PPP2R3B: variants seen among roughly 807,000 people sequenced by gnomAD.
PPP2R3B encodes the protein serine/threonine-protein phosphatase 2A regulatory subunit B'' subunit beta.
PPP2R3B carries 68 observed loss-of-function variants against 72.9 expected under a neutral mutation model. That is an observed-to-expected ratio of 0.93 (90% CI 0.77 to 1.14). PPP2R3B has a LOEUF of 1.14. Among genes scored for constraint, PPP2R3B ranks in the 50% most tolerant of loss-of-function variants. PPP2R3B has a pLI of 0.00. For synonymous variants in PPP2R3B, 466 were observed against 375.8 expected, an observed-to-expected ratio of 1.24 and a Z score of -2.78; for missense variants, 1,018 against 842.0, an observed-to-expected ratio of 1.21 and a Z score of -2.59.
chrX:371,199 T>C (rs935088625), intron 1 of PPP2R3B, among the ~76,000 whole-genome samples: 1 of 151,898 alleles, frequency 6.6e-6, no homozygotes, highest in African/African-American at 2.4e-5. Flanking sequence ...ACGGCCCCAC[T>C]CCAGGTACAT....
chrX:356,390 AT>A (rs1213050400), intron 2 of PPP2R3B, among the ~76,000 whole-genome samples: 3 of 151,888 alleles, frequency 2.0e-5, no homozygotes, highest in African/African-American at 7.3e-5. Context: ...TAATTTTTGT[AT>A]TTTTAGTAGA....
intron 1 of PPP2R3B, among the ~76,000 whole-genome samples, chrX:363,335 C>T (rs1217547026): frequency 2.6e-4 from 19 of 74,074 alleles, no homozygotes; most frequent in African/African-American, 5.9e-4. Flanking sequence ...TGCATCTCCC[C>T]GAGCCCACCA....
chrX:342,046 G>GGC, intron 7 of PPP2R3B, 115 bp from the exon 8 acceptor site: 1 of 1,357,296 alleles, frequency 7.4e-7, no homozygotes, highest in Non-Finnish European at 1.1e-6. Context: ...GGACGCCTGG[G>GGC]TCTGGGAGAG....
intron 3 of PPP2R3B, 46 bp downstream of exon 3, chrX:347,544 C>A (rs373435030): frequency 1.3e-6 from 2 of 1,523,072 alleles, no homozygotes; most frequent in South Asian, 1.2e-5. Context: ...GACCCGGGGA[C>A]GCCTCCGCCC....
chrX:338,489 G>C (rs2070950905), intron 12 of PPP2R3B, 115 bp downstream of exon 12: 1 of 1,081,930 alleles, frequency 9.2e-7, no homozygotes, highest in South Asian at 1.4e-5. Flanking sequence ...CACCCCACCT[G>C]ACTGACCCCG....
Position 379,348 on chromosome X carries a change from CTGTGTGTATGCACCTA to C in PPP2R3B, c.324+7004_324+7019del, listed in dbSNP as rs1345724779. Among the ~76,000 whole-genome samples, 12 of 143,794 alleles carry C rather than the reference CTGTGTGTATGCACCTA, an allele frequency of 8.3e-5. No homozygotes were observed. In the South Asian group the frequency reaches 2.6e-3, roughly 31 times the overall value. The allele number at this position is 143,794 out of a possible 152,430, so 94.3% of individuals were successfully genotyped here. ...GCGTGTGTATGCACCTGTTATGCAC[CTGTGTGTATGCACCTA>C]TGTGTGTATGTACCTGTGTATGCAC... On this transcript the variant is annotated intron_variant, in intron 1 of 12. Transcript: ENST00000390665.
intron 7 of PPP2R3B, among the ~76,000 whole-genome samples, chrX:344,261 A>G (rs374460740): frequency 0.021 from 501 of 23,942 alleles, 53 homozygotes; most frequent in South Asian, 0.052. Flanking sequence ...CTCACCAAGG[A>G]GAGGCGGGAG....
rs1323012218 is a variant in PPP2R3B, at chrX:384,282, C to CTCTCTCTA, written c.324+2085_324+2086insTAGAGAGA. On this transcript the variant is annotated intron_variant, in intron 1 of 12. Transcript: ENST00000390665. ...GAAGACTCTCTCTCTCTCTCTCTCT[C>CTCTCTCTA]TATATATATATATATACTTTTTTTT... is the stretch of plus-strand genomic sequence containing the variant. Among the ~76,000 whole-genome samples, 145 of 140,088 alleles carry CTCTCTCTA rather than the reference C, an allele frequency of 1.0e-3. 1 individual carries two copies. Among genetic ancestry groups the CTCTCTCTA allele is most frequent in the Middle Eastern group, 3.7e-3 (1 of 272 alleles). 91.9% of individuals were successfully genotyped at this position (140,088 alleles called of 152,430 possible).
At chrX:382,828 C>T (rs1478177056) in intron 1 of PPP2R3B, among the ~76,000 whole-genome samples, 2 of 152,150 alleles carry the variant, frequency 1.3e-5, no homozygotes, top group Non-Finnish European at 2.9e-5. Flanking sequence ...CAAGCATTTA[C>T]CTTAGCGTCT....
rs200091933 is a variant in PPP2R3B, at chrX:338,666, G to A, written c.1515C>T (p.Tyr505=). The A allele has an allele frequency of 4.2e-5, 67 of 1,611,474 alleles. No individual in the cohort carries two copies. The East Asian group carries it at 8.7e-4, about 21-fold the overall frequency. Residue 505 remains tyrosine (Y), a synonymous_variant, in exon 12 of 13, where the codon TAC becomes TAT. Transcript: ENST00000390665. ...CCAGGATGTCGTACTCCTCGGCCGC[G>A]TACTTCTCCCAGTCCGAGAGCTCGG... ...GGPELSDWEK[Y]AAEEYDILVA...
intron 1 of PPP2R3B, among the ~76,000 whole-genome samples, chrX:363,730 C>T (rs1448532792): frequency 8.6e-5 from 9 of 104,724 alleles, no homozygotes; most frequent in East Asian, 5.6e-4. Context: ...AACGCATTCC[C>T]GCAGCGGCGC....
intron 1 of PPP2R3B, among the ~76,000 whole-genome samples, chrX:364,257 GCCTTCA>G (rs1436414703): frequency 3.3e-5 from 5 of 152,198 alleles, no homozygotes; most frequent in Non-Finnish European, 5.9e-5. Context: ...GAAAGTAGCA[GCCTTCA>G]CCTGGAGCTG....
intron 1 of PPP2R3B, 35 bp downstream of exon 1, chrX:386,333 C>G: frequency 7.7e-7 from 1 of 1,301,496 alleles, no homozygotes; most frequent in Non-Finnish European, 9.8e-7. Flanking sequence ...CCAGAGCCAC[C>G]TGCGCAGTTG....
intron 1 of PPP2R3B, among the ~76,000 whole-genome samples, chrX:385,018 C>T (rs1376818315): frequency 6.9e-6 from 1 of 144,996 alleles, no homozygotes; most frequent in African/African-American, 2.5e-5. Flanking sequence ...TGATTGCAAT[C>T]ACTTTATCCT....
At chrX:355,228 A>G (rs2071412469) in intron 2 of PPP2R3B, among the ~76,000 whole-genome samples, 1 of 152,356 alleles carries the variant, frequency 6.6e-6, no homozygotes. Context: ...ACAATTGACA[A>G]TCATATTAAA....
intron 1 of PPP2R3B, among the ~76,000 whole-genome samples, chrX:371,590 C>T (rs941177107): frequency 3.3e-5 from 5 of 152,036 alleles, no homozygotes; most frequent in Admixed American, 2.0e-4. Flanking sequence ...CAACGTTGGC[C>T]GTGGAAGGCT....
intron 8 of PPP2R3B, chrX:341,664 C>A: frequency 3.0e-6 from 2 of 658,830 alleles, no homozygotes; most frequent in Middle Eastern, 4.2e-4. Flanking sequence ...CGACCTGGGG[C>A]CTGGGCCACC....
chrX:338,611 C>T lies in PPP2R3B; in HGVS notation c.1570G>A (p.Glu524Lys), dbSNP rs1273919579. 5.6e-6 allele frequency: 9 copies of T among 1,608,590 alleles called. No homozygotes were observed. The highest frequency in any genetic ancestry group is 1.3e-5 in the African/African-American group (1 of 74,696). ...VAEETAGEPW[E>K]DGFEAELSPV... is the part of the protein sequence containing the mutation. ...CCCGTCCTCCCCACTCACCCGTCCTCCCAGGGCTCTCCCGCAGTCTCCTCG... is the reference window on the plus strand; with the variant it reads ...CCCGTCCTCCCCACTCACCCGTCCTTCCAGGGCTCTCCCGCAGTCTCCTCG... The change falls in exon 12 of 13, where the codon GAG becomes AAG. Residue 524 changes from glutamate (E) to lysine (K), a missense_variant. Transcript: ENST00000390665.
intron 1 of PPP2R3B, among the ~76,000 whole-genome samples, chrX:371,038 C>T (rs902297433): frequency 1.4e-4 from 21 of 152,076 alleles, no homozygotes; most frequent in Middle Eastern, 3.4e-3. Flanking sequence ...ACTCCCCAGG[C>T]GGGGAGGGCC....
Sources: allele counts gnomAD v4.1 joint callset (sites outside exome capture counted in the v4.1 genomes callset), GRCh38; gene constraint gnomAD v4.1.1; transcripts MANE v1.5; gene names NCBI Gene and HGNC (gene_info 2026-07-23, HGNC 2026-07-21).